TNRC6B: variants seen among roughly 807,000 people sequenced by gnomAD.
The protein encoded by TNRC6B is trinucleotide repeat-containing gene 6B protein.
In TNRC6B, 52 loss-of-function variants were observed where a neutral mutation model predicts 203.6. That is an observed-to-expected ratio of 0.26 (90% confidence interval 0.20 to 0.32). TNRC6B has a LOEUF of 0.32. Ranked by LOEUF, TNRC6B falls within the 10% of genes least tolerant of loss-of-function variation. TNRC6B has a pLI of 1.00. For missense variants in TNRC6B, 1,923 were observed against 2,286.2 expected (o/e 0.84, Z 3.24); for synonymous variants, 838 against 845.7 (o/e 0.99, Z 0.16).
In TNRC6B at chr22:40,334,454, C is replaced by G. The variant is rs895321089; in HGVS notation, c.*11213C>G. The G allele has an allele frequency of 6.6e-6, 1 of 152,624 alleles. No homozygotes were observed. The allele number at this position is 152,624 out of a possible 1,614,324, so 9.5% of individuals were successfully genotyped here. On this transcript the variant is annotated 3_prime_UTR_variant, in exon 23 of 23. Transcript: ENST00000454349. ...AGCTCAACTGTTCCCACTCCTAACT[C>G]TCCACTATGTGCTTATAACTTCACA...
chr22:40,081,307 GTTTTT>G (rs34140652), intron 1 of TNRC6B, among the ~76,000 whole-genome samples: 1 of 101,504 alleles, frequency 9.9e-6, no homozygotes, highest in Non-Finnish European at 1.9e-5. Flanking sequence ...GTGTCTGCGT[GTTTTT>G]TTTTTTTTTT....
intron 12 of TNRC6B, among the ~76,000 whole-genome samples, chr22:40,292,616 T>A (rs567898456): frequency 4.1e-4 from 62 of 152,354 alleles, no homozygotes; most frequent in Non-Finnish European, 6.9e-4. Context: ...ACCAGAATAA[T>A]TAACTCCCTG....
intron 4 of TNRC6B, among the ~76,000 whole-genome samples, chr22:40,169,820 G>A (rs951695556): frequency 2.0e-5 from 3 of 152,142 alleles, no homozygotes; most frequent in South Asian, 4.2e-4. Context: ...AAATTAAAAG[G>A]TACTCACATA....
Position 40,313,011 on chromosome 22 carries a change from T to A in TNRC6B, c.4678+14T>A. On this transcript the variant is annotated intron_variant, in intron 19 of 22. Transcript: ENST00000454349. Reference sequence around the variant, plus strand: ...ATAGCACTTCAGGTATGAGTGTGAATTTTTTGTTTCCCTTTGGTTAGCACT... The same window carrying A: ...ATAGCACTTCAGGTATGAGTGTGAAATTTTTGTTTCCCTTTGGTTAGCACT... 2 of 1,607,024 alleles carry A rather than the reference T, an allele frequency of 1.2e-6. No individual in the cohort carries two copies. Among genetic ancestry groups the A allele is most frequent in the Non-Finnish European group, 1.7e-6 (2 of 1,174,938 alleles).
intron 12 of TNRC6B, among the ~76,000 whole-genome samples, chr22:40,288,193 A>G (rs2070813213): frequency 6.6e-6 from 1 of 152,402 alleles, no homozygotes; most frequent in East Asian, 1.9e-4. Context: ...AGGATTTGGG[A>G]CTTGGCCCTA....
At chr22:40,093,385 G>A (rs1264107995) in intron 1 of TNRC6B, among the ~76,000 whole-genome samples, 1 of 152,164 alleles carries the variant, frequency 6.6e-6, no homozygotes, top group Non-Finnish European at 1.5e-5. Flanking sequence ...AGAAGCACTG[G>A]GGGAGAGGCA....
intron 12 of TNRC6B, among the ~76,000 whole-genome samples, chr22:40,296,103 T>A (rs551564708): frequency 2.0e-5 from 3 of 152,274 alleles, no homozygotes; most frequent in Non-Finnish European, 4.4e-5. Context: ...ACAAAGCAGA[T>A]AATGGAGAAC....
At position 40,197,531 on chromosome 22, in the gene TNRC6B, C is replaced by T. The variant is rs139287127; in HGVS notation, c.5+19391C>T. Among the ~76,000 whole-genome samples the T allele has an allele frequency of 6.4e-4, 97 of 151,970 alleles. No homozygotes were observed. In the East Asian group the frequency reaches 0.017, roughly 26 times the overall value. On this transcript the variant is annotated intron_variant, in intron 1 of 22. Coordinates refer to ENST00000454349, the MANE Select transcript of TNRC6B (RefSeq NM_001162501.2). ...CTCAAACTCCTGACCTCATGATCTA[C>T]CCCCCTCGGCCTCCCAAAGTGCTGA...
At chr22:40,159,070 C>T (rs942221102) in intron 4 of TNRC6B, among the ~76,000 whole-genome samples, 1 of 151,826 alleles carries the variant, frequency 6.6e-6, no homozygotes, top group Admixed American at 6.6e-5. Flanking sequence ...TCACGCCATT[C>T]TCCTGCCTCA....
chr22:40,089,695 T>C (rs2068134474), intron 1 of TNRC6B, among the ~76,000 whole-genome samples: 1 of 152,202 alleles, frequency 6.6e-6, no homozygotes, highest in African/African-American at 2.4e-5. Flanking sequence ...CTTATGTTGG[T>C]ACACCATTAT....
chr22:40,190,832 G>C (rs1180660846), intron 1 of TNRC6B, among the ~76,000 whole-genome samples: 1 of 152,250 alleles, frequency 6.6e-6, no homozygotes, highest in Non-Finnish European at 1.5e-5. Flanking sequence ...ATGCTGGGTA[G>C]ACTTGAATTG....
intron 2 of TNRC6B, among the ~76,000 whole-genome samples, chr22:40,250,827 G>A (rs1051027785): frequency 5.9e-5 from 9 of 151,800 alleles, no homozygotes; most frequent in African/African-American, 1.9e-4. Context: ...TTGTGTCTAT[G>A]GCTAATTTAG....
At chr22:40,301,607 T>C (rs967634552) in intron 15 of TNRC6B, 3 of 440,202 alleles carry the variant, frequency 6.8e-6, no homozygotes, top group Non-Finnish European at 1.2e-5. Context: ...GTGTGTCTGG[T>C]TTATTTTATT....
chr22:40,279,067 C>T (rs901008633), intron 9 of TNRC6B, among the ~76,000 whole-genome samples: 6 of 152,098 alleles, frequency 3.9e-5, no homozygotes, highest in African/African-American at 7.2e-5. Context: ...AGAACTAATT[C>T]GGGTCTCTTA....
At chr22:40,141,873 C>T (rs1267888819) in intron 3 of TNRC6B, among the ~76,000 whole-genome samples, 2 of 150,930 alleles carry the variant, frequency 1.3e-5, no homozygotes, top group Non-Finnish European at 3.0e-5. Context: ...CTCCCAGGTT[C>T]ACGCCATTCT....
chr22:40,071,346 T>C (rs2067945948), intron 1 of TNRC6B, among the ~76,000 whole-genome samples: 1 of 152,204 alleles, frequency 6.6e-6, no homozygotes, highest in African/African-American at 2.4e-5. Context: ...TGTTAATAAA[T>C]GCTAAGTAAA....
Position 40,315,423 on chromosome 22 carries a change from A to G in TNRC6B, c.4819A>G (p.Asn1607Asp). ...GCCCCGCCCACCTCCTGGTCTGACC[A>G]ACCCCAAACCATCATCTCCCTGGAG... The part of the protein sequence containing the change: ...PLPRPPPGLT[N>D]PKPSSPWSST... The change falls in exon 20 of 23, where the codon AAC becomes GAC. Residue 1607 changes from asparagine to aspartate, a missense_variant. Physicochemically the swap from Asn to Asp is conservative, Grantham distance 23 (BLOSUM62 1). This residue lies in a region of TNRC6B where 159 missense variants were observed against 181.0 expected (regional missense o/e 0.88). Coordinates refer to ENST00000454349, the MANE Select transcript of TNRC6B (RefSeq NM_001162501.2). The G allele has an allele frequency of 6.2e-7, 1 of 1,614,010 alleles. No individual in the cohort carries two copies. Among genetic ancestry groups the G allele is most frequent in the Non-Finnish European group, 8.5e-7 (1 of 1,179,884 alleles).
At chr22:40,243,804 C>T (rs1601914858) in intron 1 of TNRC6B, among the ~76,000 whole-genome samples, 1 of 152,124 alleles carries the variant, frequency 6.6e-6, no homozygotes, top group Non-Finnish European at 1.5e-5. Flanking sequence ...AGGCCAGTCT[C>T]GAGCTCCTGA....
At chr22:40,222,327 T>C (rs2069721707) in intron 1 of TNRC6B, among the ~76,000 whole-genome samples, 2 of 152,056 alleles carry the variant, frequency 1.3e-5, no homozygotes, top group East Asian at 3.9e-4. Context: ...AGGGGATGCA[T>C]AGATGAAAGG....
Sources: allele counts gnomAD v4.1 joint callset (sites outside exome capture counted in the v4.1 genomes callset), GRCh38; gene constraint gnomAD v4.1.1; regional missense constraint gnomAD v4.1.1; transcripts MANE v1.5; gene names NCBI Gene and HGNC (gene_info 2026-07-23, HGNC 2026-07-21).